NLRP4: variants seen among roughly 807,000 people sequenced by gnomAD.
NLRP4 encodes NACHT, LRR and PYD domains-containing protein 4.
Under a neutral mutation model 84.7 loss-of-function variants are expected in NLRP4, and 44 were observed. The observed-to-expected ratio is 0.52, with a 90% CI of 0.41 to 0.67. The LOEUF (loss-of-function observed/expected upper bound fraction) is 0.67. Among genes scored for constraint, NLRP4 ranks in the 30% least tolerant of loss-of-function variants. The pLI is 0.00. For missense variants in NLRP4, 1,260 were observed against 1,219.4 expected (o/e 1.03, Z -0.50); for synonymous variants, 544 against 476.4 (o/e 1.14, Z -1.85).
Position 55,862,137 on chromosome 19 carries a change from G to C in NLRP4, c.2164G>C (p.Ala722Pro), listed in dbSNP as rs1366134348. The C allele has an allele frequency of 6.2e-7, 1 of 1,613,690 alleles. No individual in the cohort carries two copies. Among genetic ancestry groups the C allele is most frequent in the Non-Finnish European group, 8.5e-7 (1 of 1,179,636 alleles). The change falls in exon 5 of 10, where the codon GCA becomes CCA. Residue 722 changes from alanine to proline, a missense_variant. Ala to Pro is a conservative substitution (Grantham distance 27). This residue lies in a region of NLRP4 where 544 missense variants were observed against 531.7 expected (regional missense o/e 1.02). Coordinates refer to ENST00000301295, the MANE Select transcript of NLRP4 (RefSeq NM_134444.5). The part of the protein sequence containing the change: ...RSLCDALNYP[A>P]GNVKELALVN... ...CCTCTGTGATGCCTTGAACTACCCA[G>C]CAGGCAACGTCAAAGAGCTAGCGTA...
At chr19:55,860,911 G>C (rs1222575914) in intron 3 of NLRP4, among the ~76,000 whole-genome samples, 7 of 152,198 alleles carry the variant, frequency 4.6e-5, no homozygotes, top group African/African-American at 1.7e-4. Flanking sequence ...CTGGGAGGTA[G>C]AGGTTGCAGT....
rs1036189948 is a variant in NLRP4, at chr19:55,871,824, C to T, written c.2525+827C>T. 2.0e-5 allele frequency among the ~76,000 whole-genome samples: 3 copies of T among 151,200 alleles called. No individual in the cohort carries two copies. The Admixed American group carries it at 2.0e-4, about 10-fold the overall frequency. ...ATATTAAGAAAAAATTTAAAAGCAT[C>T]TAGAAGCTAAACAGAAATAATCTTT... is the stretch of plus-strand genomic sequence containing the variant. On this transcript the variant is annotated intron_variant, in intron 7 of 9. Coordinates refer to ENST00000301295, the MANE Select transcript of NLRP4 (RefSeq NM_134444.5).
At chr19:55,865,239 T>A (rs1984912531) in intron 5 of NLRP4, among the ~76,000 whole-genome samples, 1 of 152,348 alleles carries the variant, frequency 6.6e-6, no homozygotes, top group African/African-American at 2.4e-5. Context: ...ACATGTGATA[T>A]TTGGATTTAT....
intron 1 of NLRP4, 144 bp downstream of exon 1, chr19:55,837,078 C>T (rs1037204976): frequency 5.3e-5 from 8 of 152,192 alleles, no homozygotes; most frequent in African/African-American, 1.9e-4. Context: ...CTAGTTGACT[C>T]ATACTAATTA....
intron 6 of NLRP4, among the ~76,000 whole-genome samples, chr19:55,870,069 G>A (rs1045188037): frequency 2.0e-5 from 3 of 151,758 alleles, no homozygotes; most frequent in African/African-American, 7.3e-5. Flanking sequence ...CTGCACTCCA[G>A]CCTAGGTGAC....
intron 7 of NLRP4, among the ~76,000 whole-genome samples, chr19:55,871,759 C>T (rs1477610943): frequency 4.6e-5 from 7 of 152,082 alleles, no homozygotes; most frequent in Non-Finnish European, 8.8e-5. Context: ...CTATCTGGGC[C>T]AATCGTTGGC....
rs905799399 is a variant in NLRP4 at position 55,858,002 on chromosome 19, C to T, written c.609C>T (p.Asp203=). The part of the protein sequence containing the change: ...LRELPPTSLA[D]LISREWPDPA... ...AGTTGCCGCCAACGAGTTTGGCTGA[C>T]TTGATTTCCAGAGAGTGGCCTGACC... Residue 203 remains aspartate (D), a synonymous_variant, in exon 3 of 10, where the codon GAC becomes GAT. Coordinates refer to ENST00000301295, the MANE Select transcript of NLRP4 (RefSeq NM_134444.5). The surrounding 1 kb of genome is among the most constrained non-coding windows in gnomAD (Gnocchi z 4.2). The T allele has an allele frequency of 1.9e-6, 3 of 1,614,088 alleles. No homozygotes were observed. Among genetic ancestry groups the T allele is most frequent in the African/African-American group, 1.3e-5 (1 of 74,942 alleles).
chr19:55,881,656 C>T lies in NLRP4; in HGVS notation c.*69C>T. ...GGGACTGGGACCGTTACTTACATGA[C>T]ACTGCACCCAGGAGATACAAATCAT... On this transcript the variant is annotated 3_prime_UTR_variant, in exon 10 of 10. Coordinates refer to ENST00000301295, the MANE Select transcript of NLRP4 (RefSeq NM_134444.5). 2 of 730,806 alleles carry T rather than the reference C, an allele frequency of 2.7e-6. No individual in the cohort carries two copies. Among genetic ancestry groups the T allele is most frequent in the Non-Finnish European group, 4.8e-6 (2 of 413,320 alleles). 45.3% of individuals were successfully genotyped at this position (730,806 alleles called of 1,614,324 possible).
At chr19:55,843,767 G>T (rs1384527857) in intron 1 of NLRP4, among the ~76,000 whole-genome samples, 1 of 151,844 alleles carries the variant, frequency 6.6e-6, no homozygotes, top group Non-Finnish European at 1.5e-5. Context: ...TGCGGTTTTT[G>T]CATTTTTTTC....
intron 1 of NLRP4, among the ~76,000 whole-genome samples, chr19:55,840,252 A>C (rs1983553950): frequency 6.6e-6 from 1 of 152,036 alleles, no homozygotes; most frequent in South Asian, 2.1e-4. Context: ...CAAATTGATA[A>C]AATATCCTGC....
At chr19:55,862,325 C>T (rs527688242) in intron 5 of NLRP4, among the ~76,000 whole-genome samples, 166 bp downstream of exon 5, 61 of 122,978 alleles carry the variant, frequency 5.0e-4, no homozygotes, top group African/African-American at 6.5e-4. Flanking sequence ...CGTAAGTCTC[C>T]GTTTATTGAG....
At chr19:55,849,927 T>G (rs114955778) in intron 1 of NLRP4, among the ~76,000 whole-genome samples, 1,550 of 122,922 alleles carry the variant, frequency 0.013, 125 homozygotes, top group African/African-American at 0.052. Flanking sequence ...GCGGTGTAAT[T>G]TCCGTAGCCG....
chr19:55,848,531 G>A (rs1007054809), intron 1 of NLRP4, among the ~76,000 whole-genome samples: 4 of 152,084 alleles, frequency 2.6e-5, no homozygotes, highest in Non-Finnish European at 5.9e-5. Flanking sequence ...AGCCTCCAGA[G>A]TAGCTGGGAT....
At chr19:55,867,160 A>G (rs1220508992) in intron 5 of NLRP4, among the ~76,000 whole-genome samples, 12 of 148,976 alleles carry the variant, frequency 8.1e-5, no homozygotes, top group Non-Finnish European at 1.5e-5. Context: ...TACCCCAGAG[A>G]CCATAAGCCA....
chr19:55,869,228 T>G (rs1245219748), intron 6 of NLRP4, among the ~76,000 whole-genome samples: 2 of 151,870 alleles, frequency 1.3e-5, no homozygotes, highest in Non-Finnish European at 2.9e-5. Flanking sequence ...GGTTTGGTGG[T>G]GCATACCTGT....
chr19:55,879,195 G>C (rs1441886190), intron 9 of NLRP4, among the ~76,000 whole-genome samples: 1 of 152,112 alleles, frequency 6.6e-6, no homozygotes, highest in African/African-American at 2.4e-5. Context: ...TCATTGTCTG[G>C]GGTAACACCC....
Position 55,860,221 on chromosome 19 carries a change from G to A in NLRP4, c.1856+972G>A, listed in dbSNP as rs372791048. ...AGGATGGTCTCGATCTCCTGACCTC[G>A]TGATCTGCCCACCTCGGCCTCTCAA... On this transcript the variant is annotated intron_variant, in intron 3 of 9. Coordinates refer to ENST00000301295, the MANE Select transcript of NLRP4 (RefSeq NM_134444.5). Among the ~76,000 whole-genome samples the A allele has an allele frequency of 1.5e-4, 23 of 152,116 alleles. No individual in the cohort carries two copies. The East Asian group carries it at 4.1e-3, about 27-fold the overall frequency.
intron 1 of NLRP4, among the ~76,000 whole-genome samples, chr19:55,846,886 C>A (rs1280781647): frequency 6.6e-6 from 1 of 152,120 alleles, no homozygotes; most frequent in African/African-American, 2.4e-5. Context: ...ATCATATTCT[C>A]ATTCCGAATA....
At chr19:55,869,706 G>A (rs1055877096) in intron 6 of NLRP4, among the ~76,000 whole-genome samples, 17 of 151,788 alleles carry the variant, frequency 1.1e-4, no homozygotes, top group Non-Finnish European at 1.5e-4. Flanking sequence ...TATGTGGTTC[G>A]TTCATCACTA....
Sources: allele counts gnomAD v4.1 joint callset (sites outside exome capture counted in the v4.1 genomes callset), GRCh38; gene constraint gnomAD v4.1.1; regional missense constraint gnomAD v4.1.1; non-coding constraint Gnocchi (gnomAD v3.1); transcripts MANE v1.5; gene names NCBI Gene and HGNC (gene_info 2026-07-23, HGNC 2026-07-21).